The following TYW1B variants were observed in gnomAD, a reference collection of about 807,000 sequenced individuals.
TYW1B encodes tRNA-yW synthesizing protein 1 homolog B.
A neutral mutation model predicts 86.9 loss-of-function variants in TYW1B; 73 were observed. That is an observed-to-expected ratio of 0.84 (90% confidence interval 0.70 to 1.02). TYW1B has a LOEUF of 1.02. TYW1B is among the 50% of genes least tolerant of loss of function. TYW1B has a pLI of 0.00. For synonymous variants in TYW1B, 248 were observed against 292.8 expected, an observed-to-expected ratio of 0.85 and a Z score of 1.56; for missense variants, 637 against 827.4, an observed-to-expected ratio of 0.77 and a Z score of 2.82.
At position 72,744,605 on chromosome 7, in the gene TYW1B, T is replaced by C; in HGVS notation, c.965-4A>G. The C allele has an allele frequency of 6.2e-7, 1 of 1,613,652 alleles. No homozygotes were observed. The highest frequency in any genetic ancestry group is 8.5e-7 in the Non-Finnish European group (1 of 1,179,592). On this transcript the variant is annotated splice_polypyrimidine_tract_variant and splice_region_variant and intron_variant, in intron 7 of 13. Transcript: ENST00000620995. ...CTCCTCTCCCTCGGAGCATCGACTA[T>C]GACAAGTAAACAAATCACAATTTGA...
chr7:72,789,190 G>A (rs1788178341), intron 6 of TYW1B, among the ~76,000 whole-genome samples: 1 of 151,550 alleles, frequency 6.6e-6, no homozygotes, highest in Non-Finnish European at 1.5e-5. Context: ...CTGGAGTGCA[G>A]TGGCGTAATC....
intron 12 of TYW1B, among the ~76,000 whole-genome samples, chr7:72,621,400 C>G (rs1338310065): frequency 6.6e-6 from 1 of 152,212 alleles, no homozygotes; most frequent in East Asian, 1.9e-4. Flanking sequence ...CACCACGGCA[C>G]GAGGCCTTCC....
chr7:72,601,137 G>A (rs1198745918), intron 13 of TYW1B, among the ~76,000 whole-genome samples: 4 of 138,664 alleles, frequency 2.9e-5, no homozygotes, highest in Non-Finnish European at 4.5e-5. Flanking sequence ...GCGAAACTCT[G>A]TCTCAAAATA....
chr7:72,656,053 G>A (rs1813194934), intron 11 of TYW1B, among the ~76,000 whole-genome samples: 1 of 152,142 alleles, frequency 6.6e-6, no homozygotes, highest in Non-Finnish European at 1.5e-5. Flanking sequence ...AGCCACTACT[G>A]GCATCTTTGT....
chr7:72,599,420 T>A (rs1203068480), intron 13 of TYW1B, among the ~76,000 whole-genome samples: 1 of 152,262 alleles, frequency 6.6e-6, no homozygotes, highest in Admixed American at 6.5e-5. Context: ...CAAAAAGCCT[T>A]CCGCTAAGAT....
intron 6 of TYW1B, among the ~76,000 whole-genome samples, chr7:72,785,560 C>CATTTGTAA (rs1788115064): frequency 6.6e-6 from 1 of 151,876 alleles, no homozygotes; most frequent in African/African-American, 2.4e-5. Flanking sequence ...ACCGTTATCT[C>CATTTGTAA]TCACATTCCA....
chr7:72,770,404 G>T (rs1177487565), intron 7 of TYW1B, among the ~76,000 whole-genome samples: 8 of 141,704 alleles, frequency 5.6e-5, no homozygotes, highest in Non-Finnish European at 9.0e-5. Flanking sequence ...ACTCCAGGCT[G>T]GCAACAGAGT....
intron 7 of TYW1B, among the ~76,000 whole-genome samples, chr7:72,745,814 C>G (rs531844953): frequency 6.0e-5 from 9 of 150,600 alleles, no homozygotes; most frequent in African/African-American, 2.2e-4. Context: ...AGAAGGAAAG[C>G]AGAGACACGA....
rs541342289 is a variant in TYW1B, at chr7:72,779,978, C to T, written c.847-2445G>A. 2.6e-5 allele frequency among the ~76,000 whole-genome samples: 4 copies of T among 151,990 alleles called. No homozygotes were observed. The South Asian group carries it at 8.3e-4, about 32-fold the overall frequency. On this transcript the variant is annotated intron_variant, in intron 6 of 13. Coordinates refer to ENST00000620995, the MANE Select transcript of TYW1B (RefSeq NM_001145440.3). ...CATTTTTGCTTCCAGTAATAGGGTTCTTAATTACACATTACTGGATGGAGC... is the reference window on the plus strand; with the variant it reads ...CATTTTTGCTTCCAGTAATAGGGTTTTTAATTACACATTACTGGATGGAGC...
intron 10 of TYW1B, among the ~76,000 whole-genome samples, chr7:72,702,266 T>A (rs1361167855): frequency 2.0e-5 from 3 of 152,158 alleles, no homozygotes; most frequent in Non-Finnish European, 2.9e-5. Context: ...AGGTTTGCCA[T>A]ACAAGTCATA....
At chr7:72,639,585 T>TGG (rs1812754488) in intron 11 of TYW1B, among the ~76,000 whole-genome samples, 3 of 152,032 alleles carry the variant, frequency 2.0e-5, no homozygotes, top group African/African-American at 7.2e-5. Flanking sequence ...AGGTCTTAGC[T>TGG]GGGCACAGTG....
chr7:72,822,114 G>T (rs1788838276), intron 2 of TYW1B, among the ~76,000 whole-genome samples: 1 of 141,860 alleles, frequency 7.0e-6, no homozygotes, highest in Non-Finnish European at 1.5e-5. Context: ...ACTTTGGGAG[G>T]CCAATGCCAC....
intron 9 of TYW1B, among the ~76,000 whole-genome samples, chr7:72,725,951 G>C (rs2961003): frequency 0.7 from 105,666 of 151,936 alleles, 37,594 homozygotes; most frequent in Non-Finnish European, 0.77. Flanking sequence ...TTCTGGAGAA[G>C]CCTAACACAC....
At chr7:72,579,627 G>T (rs1554429320) in intron 13 of TYW1B, among the ~76,000 whole-genome samples, 1 of 152,096 alleles carries the variant, frequency 6.6e-6, no homozygotes, top group African/African-American at 2.4e-5. Flanking sequence ...GTGAGCAAGT[G>T]ACTTGGGCCC....
At chr7:72,803,794 A>T (rs1280216365) in intron 5 of TYW1B, among the ~76,000 whole-genome samples, 1 of 151,554 alleles carries the variant, frequency 6.6e-6, no homozygotes, top group Non-Finnish European at 1.5e-5. Flanking sequence ...TTGTATTTTT[A>T]GTAGAGAGAG....
chr7:72,800,995 A>C (rs1554475505), intron 6 of TYW1B, among the ~76,000 whole-genome samples: 1 of 152,144 alleles, frequency 6.6e-6, no homozygotes, highest in Admixed American at 6.6e-5. Context: ...GAATGTTTTA[A>C]AGTTTTCCAA....
At chr7:72,825,344 TTTAGCACTA>T (rs1788910968) in intron 2 of TYW1B, among the ~76,000 whole-genome samples, 1 of 152,100 alleles carries the variant, frequency 6.6e-6, no homozygotes, top group Non-Finnish European at 1.5e-5. Context: ...CTTTAACACT[TTTAGCACTA>T]TTAGAAATCA....
At chr7:72,626,688 A>G (rs2129568649) in intron 12 of TYW1B, among the ~76,000 whole-genome samples, 1 of 152,084 alleles carries the variant, frequency 6.6e-6, no homozygotes, top group South Asian at 2.1e-4. Flanking sequence ...ATAACCTAGC[A>G]AAACGTTTTA....
At chr7:72,761,212 G>A (rs797030656) in intron 7 of TYW1B, among the ~76,000 whole-genome samples, 4 of 152,064 alleles carry the variant, frequency 2.6e-5, no homozygotes, top group African/African-American at 9.6e-5. Flanking sequence ...TTATGTTACA[G>A]GGAAAGAAAC....
Sources: allele counts gnomAD v4.1 joint callset (sites outside exome capture counted in the v4.1 genomes callset), GRCh38; gene constraint gnomAD v4.1.1; transcripts MANE v1.5; gene names NCBI Gene and HGNC (gene_info 2026-07-23, HGNC 2026-07-21).